The following RABEP1 variants were observed in gnomAD, a reference collection of about 807,000 sequenced individuals.
RABEP1 encodes the protein rab GTPase-binding effector protein 1.
RABEP1 carries 51 observed loss-of-function variants against 123.4 expected under a neutral mutation model. That is an observed-to-expected ratio of 0.41 (90% CI 0.33 to 0.52). The LOEUF (loss-of-function observed/expected upper bound fraction) is 0.52. Ranked by LOEUF, RABEP1 falls within the 20% of genes least tolerant of loss-of-function variation. RABEP1 has a pLI of 0.16. For synonymous variants in RABEP1, 347 were observed against 355.2 expected (o/e 0.98, Z 0.26); for missense variants, 888 against 996.3 (o/e 0.89, Z 1.46).
intron 1 of RABEP1, among the ~76,000 whole-genome samples, chr17:5,289,165 T>C (rs1303841826): frequency 3.2e-4 from 1 of 3,118 alleles, no homozygotes; most frequent in Non-Finnish European, 8.1e-4. Flanking sequence ...CCTCCCTTTC[T>C]TCTTCTTCTT....
chr17:5,363,437 C>T (rs1054257172), intron 10 of RABEP1, among the ~76,000 whole-genome samples: 2 of 152,026 alleles, frequency 1.3e-5, no homozygotes, highest in African/African-American at 4.8e-5. Flanking sequence ...CTAGGATGGT[C>T]TCAAACTCCT....
At chr17:5,383,041 G>T in intron 17 of RABEP1, 81 bp from the exon 18 acceptor site, 1 of 1,090,562 alleles carries the variant, frequency 9.2e-7, no homozygotes, top group East Asian at 2.4e-5. Context: ...GAGTTAATCT[G>T]CTACATCTCA....
intron 8 of RABEP1, among the ~76,000 whole-genome samples, chr17:5,355,767 CTT>C (rs1252138385): frequency 2.6e-5 from 4 of 152,004 alleles, no homozygotes; most frequent in Non-Finnish European, 5.9e-5. Flanking sequence ...TTAAGAAAAA[CTT>C]AAAAAAAATT....
intron 2 of RABEP1, among the ~76,000 whole-genome samples, chr17:5,312,024 A>G (rs1229302718): frequency 6.6e-6 from 1 of 152,220 alleles, no homozygotes; most frequent in Non-Finnish European, 1.5e-5. Context: ...TTTTTATCCT[A>G]TCAGCTAACA....
At position 5,373,332 on chromosome 17, in the gene RABEP1, C is replaced by A; in HGVS notation, c.1903C>A (p.Arg635=). The A allele has an allele frequency of 6.2e-7, 1 of 1,612,936 alleles. No homozygotes were observed. The highest frequency in any genetic ancestry group is 8.5e-7 in the Non-Finnish European group (1 of 1,179,726). The change falls in exon 13 of 18, where the codon CGG becomes AGG. Residue 635 remains arginine (R), a synonymous_variant. Transcript: ENST00000537505. ...QEQMAVLMQS[R]EQVSEELVRL... ...ATTTTAGGCGGTGCTGATGCAGTCA[C>A]GGGAACAGGTTTCAGAAGAGCTGGT...
At chr17:5,339,232 T>A (rs1597369099) in intron 5 of RABEP1, among the ~76,000 whole-genome samples, 2 of 152,306 alleles carry the variant, frequency 1.3e-5, no homozygotes, top group Admixed American at 1.3e-4. Flanking sequence ...AATTTATCAA[T>A]AGTCTTGGTA....
intron 2 of RABEP1, among the ~76,000 whole-genome samples, chr17:5,329,019 C>CTTTTTTTTTTT (rs760060600): frequency 2.7e-5 from 3 of 110,656 alleles, no homozygotes; most frequent in South Asian, 3.0e-4. Context: ...TTCAGAAAGA[C>CTTTTTTTTTTT]TTTTTTTTTT....
At chr17:5,350,186 C>G (rs1193250642) in intron 6 of RABEP1, among the ~76,000 whole-genome samples, 1 of 152,118 alleles carries the variant, frequency 6.6e-6, no homozygotes, top group African/African-American at 2.4e-5. Context: ...CGAGACCATC[C>G]TGGCTAACAT....
Position 5,384,672 on chromosome 17 carries a change from G to GT in RABEP1, c.*1451dup, listed in dbSNP as rs1042854938. On this transcript the variant is annotated 3_prime_UTR_variant, in exon 18 of 18. Coordinates refer to ENST00000537505, the MANE Select transcript of RABEP1 (RefSeq NM_004703.6). ...AAGTACTACATACCTCATCTCTTGGGTTATTATTGTAGTCTTGCATTCATG... is the reference window on the plus strand; with the variant it reads ...AAGTACTACATACCTCATCTCTTGGGTTTATTATTGTAGTCTTGCATTCATG... The GT allele has an allele frequency of 2.3e-5, 5 of 213,040 alleles. No individual in the cohort carries two copies. The highest frequency in any genetic ancestry group is 5.8e-5 in the Admixed American group (1 of 17,098). The allele number at this position is 213,040 out of a possible 1,614,324, so 13.2% of individuals were successfully genotyped here.
At chr17:5,332,337 T>C (rs1906627830) in intron 3 of RABEP1, among the ~76,000 whole-genome samples, 185 bp downstream of exon 3, 1 of 152,248 alleles carries the variant, frequency 6.6e-6, no homozygotes, top group South Asian at 2.1e-4. Flanking sequence ...ATATCAATCG[T>C]ATCTAACTTA....
At position 5,330,591 on chromosome 17, in the gene RABEP1, G is replaced by A. The variant is rs78368415; in HGVS notation, c.164-1358G>A. 7.9e-5 allele frequency among the ~76,000 whole-genome samples: 12 copies of A among 152,246 alleles called. No homozygotes were observed. The East Asian group carries it at 1.9e-3, about 24-fold the overall frequency. On this transcript the variant is annotated intron_variant, in intron 2 of 17. Coordinates refer to ENST00000537505, the MANE Select transcript of RABEP1 (RefSeq NM_004703.6). ...CCTTAAAGTCATACAGCTGGTTAGC[G>A]GTAGAATTAGACCTTAAATCAGTTT...
intron 2 of RABEP1, among the ~76,000 whole-genome samples, chr17:5,317,626 G>T (rs2075310838): frequency 6.7e-6 from 1 of 149,522 alleles, no homozygotes; most frequent in Non-Finnish European, 1.5e-5. Flanking sequence ...TACTGGAAAG[G>T]ATATATATAT....
At chr17:5,355,170 C>T (rs1336391788) in intron 8 of RABEP1, among the ~76,000 whole-genome samples, 1 of 152,200 alleles carries the variant, frequency 6.6e-6, no homozygotes, top group Non-Finnish European at 1.5e-5. Context: ...CTACCATTGA[C>T]TCCCATTACC....
intron 17 of RABEP1, among the ~76,000 whole-genome samples, chr17:5,382,248 A>C (rs1269737026): frequency 1.3e-5 from 2 of 151,164 alleles, no homozygotes; most frequent in Non-Finnish European, 1.5e-5. Context: ...AGCCCAGCTA[A>C]TTTTTGTATT....
intron 1 of RABEP1, among the ~76,000 whole-genome samples, chr17:5,304,086 A>T (rs556555282): frequency 6.6e-6 from 1 of 152,102 alleles, no homozygotes; most frequent in African/African-American, 2.4e-5. Flanking sequence ...TGTAAGAGGA[A>T]CGTAGTAGTA....
rs1910281489 is a variant in RABEP1, at chr17:5,368,604, C to T, written c.1884+136C>T. 4 of 592,196 alleles carry T rather than the reference C, an allele frequency of 6.8e-6. No homozygotes were observed. In the South Asian group the frequency reaches 7.0e-5, roughly 10 times the overall value. The allele number at this position is 592,196 out of a possible 1,614,324, so 36.7% of individuals were successfully genotyped here. On this transcript the variant is annotated intron_variant, in intron 12 of 17. Coordinates refer to ENST00000537505, the MANE Select transcript of RABEP1 (RefSeq NM_004703.6). ...GTTGTCTTCTCCCGGGACTGTAGAA[C>T]ATTAATAATGGACAAAATATTGTAA...
At chr17:5,362,169 G>T (rs1464320155) in intron 9 of RABEP1, 1 of 161,636 alleles carries the variant, frequency 6.2e-6, no homozygotes, top group Non-Finnish European at 1.4e-5. Context: ...CCTCCTTAGA[G>T]AATTTGTAAA....
intron 2 of RABEP1, among the ~76,000 whole-genome samples, chr17:5,323,783 T>TATATATATTTCTAGGA: frequency 7.5e-6 from 1 of 133,198 alleles, no homozygotes; most frequent in Non-Finnish European, 1.6e-5. Context: ...TCTAGGAATA[T>TATATATATTTCTAGGA]ATATATATAT....
intron 8 of RABEP1, among the ~76,000 whole-genome samples, chr17:5,358,865 A>G (rs934846528): frequency 6.6e-6 from 1 of 152,000 alleles, no homozygotes; most frequent in Admixed American, 6.6e-5. Context: ...GGCTCAAGCA[A>G]TCCTCCTGCC....
Sources: allele counts gnomAD v4.1 joint callset (sites outside exome capture counted in the v4.1 genomes callset), GRCh38; gene constraint gnomAD v4.1.1; transcripts MANE v1.5; gene names NCBI Gene and HGNC (gene_info 2026-07-23, HGNC 2026-07-21).